The following PHIP variants were observed in gnomAD, a reference collection of about 807,000 sequenced individuals.
PHIP encodes the protein PH-interacting protein.
PHIP carries 54 observed loss-of-function variants against 236.8 expected under a neutral mutation model. The observed-to-expected ratio is 0.23, with a 90% CI of 0.18 to 0.29. PHIP has a LOEUF of 0.29. PHIP is among the 10% of genes least tolerant of loss of function. The probability of loss-of-function intolerance (pLI) is 1.00; values close to 1 mark genes in which losing one functional copy is unlikely to be tolerated. For synonymous variants in PHIP, 756 were observed against 718.9 expected, an observed-to-expected ratio of 1.05 and a Z score of -0.83; for missense variants, 1,370 against 2,190.8, an observed-to-expected ratio of 0.63 and a Z score of 7.48.
chr6:78,955,707 T>A, intron 32 of PHIP, 25 bp from the exon 33 acceptor site: 1 of 756,916 alleles, frequency 1.3e-6, no homozygotes. Context: ...AATGTTAACA[T>A]GTAAGATTAG....
Position 78,970,767 on chromosome 6 carries a change from A to T in PHIP, c.2997+14T>A. 6.7e-7 allele frequency: 1 copy of T among 1,497,564 alleles called. No homozygotes were observed. The highest frequency in any genetic ancestry group is 2.3e-5 in the East Asian group (1 of 44,214). The allele number at this position is 1,497,564 out of a possible 1,614,324, so 92.8% of individuals were successfully genotyped here. ...GTATTTTTGGGGCTATTAAATAATAAATCAATGTCATACCCGTAGCTCCAT... is the reference window on the plus strand; with the variant it reads ...GTATTTTTGGGGCTATTAAATAATATATCAATGTCATACCCGTAGCTCCAT... On this transcript the variant is annotated intron_variant, in intron 25 of 39. Coordinates refer to ENST00000275034, the MANE Select transcript of PHIP (RefSeq NM_017934.7).
intron 7 of PHIP, among the ~76,000 whole-genome samples, chr6:79,036,597 C>A (rs1323822539): frequency 6.6e-6 from 1 of 152,056 alleles, no homozygotes; most frequent in African/African-American, 2.4e-5. Context: ...CACATAACTC[C>A]ATTACCATTA....
At chr6:78,960,150 A>ATCCC (rs975012788) in intron 31 of PHIP, among the ~76,000 whole-genome samples, 2 of 152,176 alleles carry the variant, frequency 1.3e-5, no homozygotes, top group African/African-American at 4.8e-5. Flanking sequence ...CTGAATTCAT[A>ATCCC]TCCCTTTCAT....
In PHIP at chr6:78,970,813, T is replaced by G. The variant is rs760137132; in HGVS notation, c.2965A>C (p.Lys989Gln). Residue 989 changes from lysine to glutamine, a missense_variant, in exon 25 of 40, where the codon AAA becomes CAA. By Grantham distance (53) the Lys-to-Gln change is moderately conservative (BLOSUM62 1). Coordinates refer to ENST00000275034, the MANE Select transcript of PHIP (RefSeq NM_017934.7). Reference sequence around the variant, plus strand: ...TCCATTTTATGCCATGGTTGTTTTTTGGGATTGATACTATATATTTTATTT... The same window carrying G: ...TCCATTTTATGCCATGGTTGTTTTTGGGGATTGATACTATATATTTTATTT... Reference protein sequence around the residue: ...RKNKIYSINPKKQPWHKMELR... With the variant: ...RKNKIYSINPQKQPWHKMELR... 1.2e-6 allele frequency: 2 copies of G among 1,610,818 alleles called. No homozygotes were observed. The highest frequency in any genetic ancestry group is 8.5e-7 in the Non-Finnish European group (1 of 1,178,542).
chr6:78,965,562 G>A, intron 29 of PHIP, 141 bp downstream of exon 29: 1 of 579,648 alleles, frequency 1.7e-6, no homozygotes, highest in Non-Finnish European at 3.1e-6. Context: ...ACTTCAAGGT[G>A]TACAATAATA....
intron 7 of PHIP, among the ~76,000 whole-genome samples, chr6:79,041,581 A>G (rs1178273822): frequency 1.3e-5 from 2 of 152,022 alleles, no homozygotes; most frequent in African/African-American, 4.8e-5. Flanking sequence ...CATTAGAAAA[A>G]TCAAATTTAC....
chr6:79,005,244 T>C (rs776192887), intron 15 of PHIP, among the ~76,000 whole-genome samples: 1 of 151,852 alleles, frequency 6.6e-6, no homozygotes, highest in African/African-American at 2.4e-5. Context: ...AGTTGGAGGA[T>C]GATAAGATAG....
At chr6:79,034,522 C>T (rs1388966741) in intron 7 of PHIP, among the ~76,000 whole-genome samples, 1 of 152,130 alleles carries the variant, frequency 6.6e-6, no homozygotes, top group Non-Finnish European at 1.5e-5. Context: ...AAAGTCTATG[C>T]CCCCAAATTT....
At chr6:78,978,497 A>G (rs1156981546) in intron 24 of PHIP, 95 bp downstream of exon 24, 6 of 945,342 alleles carry the variant, frequency 6.3e-6, no homozygotes, top group Non-Finnish European at 7.8e-6. Context: ...ACTTTACAAA[A>G]CTGCTTCTAT....
rs1217966135 is a variant in PHIP at position 79,077,671 on chromosome 6, G to A, written c.129+29C>T. On this transcript the variant is annotated intron_variant, in intron 3 of 39. Transcript: ENST00000275034. Reference sequence around the variant, plus strand: ...GGCCCAGAGGCGGCCGCGCGGCGGCGGGACGCGCCGGGCCGCCGCCGCCCT... The same window carrying A: ...GGCCCAGAGGCGGCCGCGCGGCGGCAGGACGCGCCGGGCCGCCGCCGCCCT... The A allele has an allele frequency of 1.9e-5, 18 of 971,732 alleles. No homozygotes were observed. The African/African-American group carries it at 2.9e-4, about 16-fold the overall frequency. The allele number at this position is 971,732 out of a possible 1,614,324, so 60.2% of individuals were successfully genotyped here. A position where few individuals can be genotyped will look rare whatever the true frequency, so the allele number is the denominator to read the frequency against.
chr6:79,016,594 T>A lies in PHIP; in HGVS notation c.1185A>T (p.Lys395Asn). The change falls in exon 13 of 40, where the codon AAA (lysine) becomes AAT (asparagine). Residue 395 changes from lysine (K) to asparagine (N), a missense_variant. By Grantham distance (94) the Lys-to-Asn change is moderately conservative. Transcript: ENST00000275034. ...RDGTARIWQF[K>N]RREWKSILLD... ...ACAAAATGCTCTTCCACTCTCTTCG[T>A]TTAAATTGCCAAATACGTGCTGTCC... 6.2e-7 allele frequency: 1 copy of A among 1,612,188 alleles called. No individual in the cohort carries two copies. Among genetic ancestry groups the A allele is most frequent in the Non-Finnish European group, 8.5e-7 (1 of 1,178,560 alleles).
intron 4 of PHIP, among the ~76,000 whole-genome samples, chr6:79,070,375 T>C (rs188230147): frequency 5.3e-5 from 8 of 152,346 alleles, no homozygotes; most frequent in African/African-American, 9.6e-5. Flanking sequence ...TCATTTTTAA[T>C]GTTTCAGTTT....
intron 7 of PHIP, among the ~76,000 whole-genome samples, chr6:79,038,240 G>A (rs573282190): frequency 1.7e-4 from 26 of 152,230 alleles, no homozygotes; most frequent in Non-Finnish European, 2.5e-4. Flanking sequence ...AGGCTGGGAA[G>A]GCCAAGGCCA....
rs577536573 is a variant in PHIP, at chr6:78,952,393, T to A, written c.4053+2421A>T. Among the ~76,000 whole-genome samples, 3 of 131,168 alleles carry A rather than the reference T, an allele frequency of 2.3e-5. No homozygotes were observed. The East Asian group carries it at 6.5e-4, about 29-fold the overall frequency. 86.1% of individuals were successfully genotyped at this position (131,168 alleles called of 152,430 possible). ...GAGATTGAGCCACTGCACTCCAGCCTGGAGACAGAGTGAGACTCTGTCCCA... is the reference window on the plus strand; with the variant it reads ...GAGATTGAGCCACTGCACTCCAGCCAGGAGACAGAGTGAGACTCTGTCCCA... On this transcript the variant is annotated intron_variant, in intron 35 of 39. Transcript: ENST00000275034.
chr6:78,945,208 A>AC (rs1773736059), intron 39 of PHIP, 92 bp downstream of exon 39: 1 of 940,146 alleles, frequency 1.1e-6, no homozygotes, highest in Non-Finnish European at 1.7e-6. Context: ...TAAGTGGGCA[A>AC]CCTGAAAAGT....
chr6:78,972,920 G>A (rs1310193073), intron 24 of PHIP, among the ~76,000 whole-genome samples: 1 of 152,214 alleles, frequency 6.6e-6, no homozygotes, highest in African/African-American at 2.4e-5. Context: ...ACCTGAAAGT[G>A]ATGGGGAGAA....
chr6:79,077,778 C>A, intron 2 of PHIP, 49 bp from the exon 3 acceptor site: 1 of 977,638 alleles, frequency 1.0e-6, no homozygotes, highest in Non-Finnish European at 1.2e-6. Flanking sequence ...CGGGCCGCGG[C>A]CCCGCCGCCG....
intron 31 of PHIP, among the ~76,000 whole-genome samples, chr6:78,959,540 G>GT (rs1766633936): frequency 6.6e-6 from 1 of 151,998 alleles, no homozygotes; most frequent in South Asian, 2.1e-4. Flanking sequence ...AAAACAAACT[G>GT]TAAGAAGTCT....
At chr6:79,077,143 C>G (rs978235201) in intron 4 of PHIP, among the ~76,000 whole-genome samples, 41 of 151,896 alleles carry the variant, frequency 2.7e-4, no homozygotes, top group African/African-American at 9.7e-5. Flanking sequence ...CGCGCCCGCA[C>G]GGACGCGCGC....
Sources: allele counts gnomAD v4.1 joint callset (sites outside exome capture counted in the v4.1 genomes callset), GRCh38; gene constraint gnomAD v4.1.1; transcripts MANE v1.5; gene names NCBI Gene and HGNC (gene_info 2026-07-23, HGNC 2026-07-21).